CCBE1: variants seen among roughly 807,000 people sequenced by gnomAD.
CCBE1 encodes collagen and calcium-binding EGF domain-containing protein 1.
A neutral mutation model predicts 50.0 loss-of-function variants in CCBE1; 37 were observed. That is an observed-to-expected ratio of 0.74 (90% confidence interval 0.57 to 0.97). The LOEUF (loss-of-function observed/expected upper bound fraction) is 0.97. CCBE1 is among the 50% of genes least tolerant of loss of function. The pLI is 0.00. For synonymous variants in CCBE1, 234 were observed against 203.7 expected (o/e 1.15, Z -1.27); for missense variants, 538 against 523.8 (o/e 1.03, Z -0.26).
intron 7 of CCBE1, among the ~76,000 whole-genome samples, chr18:59,444,649 C>T (rs1358994581): frequency 6.6e-6 from 1 of 151,992 alleles, no homozygotes; most frequent in Non-Finnish European, 1.5e-5. Context: ...TCCTGAGTAG[C>T]TGGGACTATA....
Position 59,432,986 on chromosome 18 carries a change from C to A in CCBE1, c.*2922G>T, listed in dbSNP as rs937554222. On this transcript the variant is annotated 3_prime_UTR_variant, in exon 11 of 11. Transcript: ENST00000439986. ...TTTTAAACATTCATCCATCCACACC[C>A]TTTAAATACCATGCTCCACAAGCAG... 9 of 152,050 alleles carry A rather than the reference C, an allele frequency of 5.9e-5. No individual in the cohort carries two copies. The highest frequency in any genetic ancestry group is 2.2e-4 in the African/African-American group (9 of 41,404). The allele number at this position is 152,050 out of a possible 1,614,324, so 9.4% of individuals were successfully genotyped here.
intron 2 of CCBE1, among the ~76,000 whole-genome samples, chr18:59,622,988 G>A (rs1599073340): frequency 6.6e-6 from 1 of 152,084 alleles, no homozygotes; most frequent in East Asian, 1.9e-4. Flanking sequence ...ACAGTGACAA[G>A]AGTGAAAACT....
At chr18:59,532,319 A>G (rs1915084225) in intron 2 of CCBE1, among the ~76,000 whole-genome samples, 2 of 152,202 alleles carry the variant, frequency 1.3e-5, no homozygotes, top group African/African-American at 2.4e-5. Flanking sequence ...TGCTGGGATT[A>G]TAGGCATGAG....
At chr18:59,624,410 C>T (rs2053751937) in intron 2 of CCBE1, among the ~76,000 whole-genome samples, 1 of 152,202 alleles carries the variant, frequency 6.6e-6, no homozygotes, top group East Asian at 1.9e-4. Flanking sequence ...AGTACTGATA[C>T]ATGCAATAGA....
At chr18:59,522,121 C>CTT (rs1914626185) in intron 2 of CCBE1, among the ~76,000 whole-genome samples, 1 of 65,534 alleles carries the variant, frequency 1.5e-5, no homozygotes, top group Non-Finnish European at 4.3e-5. Flanking sequence ...CATGGCTTAA[C>CTT]TTTTCTTTTT....
intron 2 of CCBE1, among the ~76,000 whole-genome samples, chr18:59,602,581 A>G (rs1393839159): frequency 2.0e-5 from 3 of 152,244 alleles, no homozygotes; most frequent in African/African-American, 7.2e-5. Context: ...AAGGGTATAT[A>G]TATGTATGTA....
chr18:59,492,144 C>CA (rs869190811), intron 2 of CCBE1, among the ~76,000 whole-genome samples: 1,782 of 78,316 alleles, frequency 0.023, 89 homozygotes, highest in African/African-American at 0.072. Context: ...GACTTTGTCT[C>CA]AAAAAAAAAA....
chr18:59,682,248 G>A (rs554199042), intron 2 of CCBE1, among the ~76,000 whole-genome samples: 1 of 152,292 alleles, frequency 6.6e-6, no homozygotes, highest in Admixed American at 6.5e-5. Context: ...TGTAGTCCCA[G>A]CTACTGGGGA....
chr18:59,547,323 T>C (rs187866316), intron 2 of CCBE1, among the ~76,000 whole-genome samples: 1 of 151,956 alleles, frequency 6.6e-6, no homozygotes, highest in African/African-American at 2.4e-5. Flanking sequence ...GGAGTTCGAG[T>C]TGACCTTAGA....
chr18:59,463,431 G>C (rs1370613868), intron 5 of CCBE1, among the ~76,000 whole-genome samples: 1 of 152,168 alleles, frequency 6.6e-6, no homozygotes, highest in African/African-American at 2.4e-5. Flanking sequence ...CCACCGCCAG[G>C]GCACCACACA....
At chr18:59,547,543 G>A (rs534533155) in intron 2 of CCBE1, among the ~76,000 whole-genome samples, 5 of 152,244 alleles carry the variant, frequency 3.3e-5, no homozygotes, top group African/African-American at 7.2e-5. Context: ...ATTTAAATTA[G>A]CACAAAAAAC....
intron 2 of CCBE1, among the ~76,000 whole-genome samples, chr18:59,682,432 A>T (rs1055981675): frequency 6.6e-6 from 1 of 152,032 alleles, no homozygotes; most frequent in Non-Finnish European, 1.5e-5. Flanking sequence ...CTTCTGATTC[A>T]TTTTGATAAA....
intron 2 of CCBE1, among the ~76,000 whole-genome samples, chr18:59,669,084 C>T (rs1370284054): frequency 6.6e-6 from 1 of 152,028 alleles, no homozygotes; most frequent in Non-Finnish European, 1.5e-5. Flanking sequence ...GATCCACCCA[C>T]CTCGGCCTCC....
At chr18:59,535,793 G>A (rs4940468) in intron 2 of CCBE1, among the ~76,000 whole-genome samples, 42,144 of 152,076 alleles carry the variant, frequency 0.28, 6,040 homozygotes, top group African/African-American at 0.33. Flanking sequence ...AGTATTTATT[G>A]CTAAGAAAAA....
In CCBE1 at chr18:59,480,243, G is replaced by A. The variant is rs774023968; in HGVS notation, c.213-5C>T. The A allele has an allele frequency of 8.9e-6, 14 of 1,580,592 alleles. No homozygotes were observed. The highest frequency in any genetic ancestry group is 1.7e-4 in the Middle Eastern group (1 of 5,978). ...TATCCTTTGCAGCACTTTTTCCTAAGAGACAAACAAACATTTAAAATATAA... is the reference window on the plus strand; with the variant it reads ...TATCCTTTGCAGCACTTTTTCCTAAAAGACAAACAAACATTTAAAATATAA... On this transcript the variant is annotated splice_polypyrimidine_tract_variant and splice_region_variant and intron_variant, in intron 2 of 10. Coordinates refer to ENST00000439986, the MANE Select transcript of CCBE1 (RefSeq NM_133459.4).
intron 2 of CCBE1, among the ~76,000 whole-genome samples, chr18:59,606,808 C>T (rs533820644): frequency 6.6e-6 from 1 of 152,310 alleles, no homozygotes; most frequent in East Asian, 1.9e-4. Flanking sequence ...AATGCTATTT[C>T]TCTCACTACA....
chr18:59,628,030 T>C (rs1446095325), intron 2 of CCBE1, among the ~76,000 whole-genome samples: 4 of 151,902 alleles, frequency 2.6e-5, no homozygotes, highest in African/African-American at 9.7e-5. Context: ...CTGGGCAACA[T>C]AACGACACCC....
intron 2 of CCBE1, among the ~76,000 whole-genome samples, chr18:59,542,486 A>G (rs1347804030): frequency 2.0e-5 from 3 of 152,242 alleles, no homozygotes; most frequent in Admixed American, 6.5e-5. Context: ...TTATAAAAAC[A>G]GACACTTAAA....
At chr18:59,597,986 G>A (rs186349204) in intron 2 of CCBE1, among the ~76,000 whole-genome samples, 2 of 152,272 alleles carry the variant, frequency 1.3e-5, no homozygotes, top group East Asian at 3.9e-4. Context: ...CAAGGGAATG[G>A]GGAGGGAGAG....
Sources: gnomAD v4.1 joint callset for allele counts (sites outside exome capture counted in the v4.1 genomes callset) on GRCh38, gnomAD v4.1.1 for gene constraint, MANE v1.5 for transcripts, NCBI Gene and HGNC (gene_info 2026-07-23, HGNC 2026-07-21) for gene names.